Variants in KCNIP4 observed in about 807,000 individuals in gnomAD.
KCNIP4 encodes the protein Kv channel-interacting protein 4.
Under a neutral mutation model 34.0 loss-of-function variants are expected in KCNIP4, and 12 were observed. The observed-to-expected ratio is 0.35, with a 90% CI of 0.23 to 0.57. The LOEUF (loss-of-function observed/expected upper bound fraction) is 0.57, where lower values mean the gene tolerates loss of function less well. Ranked by LOEUF, KCNIP4 falls within the 20% of genes least tolerant of loss-of-function variation. The probability of loss-of-function intolerance (pLI) is 0.83; values close to 1 mark genes in which losing one functional copy is unlikely to be tolerated. For missense variants in KCNIP4, 238 were observed against 311.7 expected, an observed-to-expected ratio of 0.76 and a Z score of 1.78; for synonymous variants, 124 against 102.2, an observed-to-expected ratio of 1.21 and a Z score of -1.29.
rs747827109 is a variant in KCNIP4, at chr4:21,032,053, C to T, written c.62-149344G>A. Among the ~76,000 whole-genome samples, 11 of 152,224 alleles carry T rather than the reference C, an allele frequency of 7.2e-5. 1 individual carries two copies. Among genetic ancestry groups the T allele is most frequent in the Non-Finnish European group, 8.8e-5 (6 of 68,018 alleles). On this transcript the variant is annotated intron_variant, in intron 1 of 8. Transcript: ENST00000382152. ...CAATGTTGCACACAGAGAACAGCCT[C>T]GAAGGGCCTCACACCAAGACATGGC... is the stretch of plus-strand genomic sequence containing the variant.
chr4:21,593,511 G>A (rs1257800844), intron 1 of KCNIP4, among the ~76,000 whole-genome samples: 1 of 151,908 alleles, frequency 6.6e-6, no homozygotes, highest in Non-Finnish European at 1.5e-5. Flanking sequence ...TGTGGTCCCC[G>A]GACCTGGCAC....
At chr4:21,261,683 C>T (rs1219522631) in intron 1 of KCNIP4, among the ~76,000 whole-genome samples, 1 of 152,136 alleles carries the variant, frequency 6.6e-6, no homozygotes, top group Non-Finnish European at 1.5e-5. Context: ...TTCTTTCATT[C>T]TCTCCCTCAT....
chr4:21,106,007 A>T (rs1223920017), intron 1 of KCNIP4, among the ~76,000 whole-genome samples: 4 of 151,508 alleles, frequency 2.6e-5, no homozygotes, highest in African/African-American at 9.8e-5. Context: ...CCAGTATTTT[A>T]CTGAGGATTT....
intron 3 of KCNIP4, among the ~76,000 whole-genome samples, chr4:20,781,450 A>G (rs748906109): frequency 6.6e-6 from 1 of 152,170 alleles, no homozygotes; most frequent in Non-Finnish European, 1.5e-5. Context: ...ATAAAGACAT[A>G]CCCAAGACTG....
intron 1 of KCNIP4, among the ~76,000 whole-genome samples, chr4:21,338,227 T>C (rs1273817540): frequency 7.7e-6 from 1 of 129,764 alleles, no homozygotes; most frequent in Non-Finnish European, 1.5e-5. Flanking sequence ...ATCGCACCAC[T>C]GCACTCCAGC....
At chr4:20,736,396 A>G (rs1034652833) in intron 5 of KCNIP4, among the ~76,000 whole-genome samples, 1 of 151,970 alleles carries the variant, frequency 6.6e-6, no homozygotes, top group Non-Finnish European at 1.5e-5. Flanking sequence ...TAAATGAGAT[A>G]TTTTTTTCTA....
At chr4:21,229,850 G>A (rs920501550) in intron 1 of KCNIP4, among the ~76,000 whole-genome samples, 5 of 152,044 alleles carry the variant, frequency 3.3e-5, no homozygotes, top group African/African-American at 4.8e-5. Context: ...AGTCTTCTTC[G>A]CATACTTACA....
At chr4:20,742,368 C>G (rs1352244881) in intron 5 of KCNIP4, among the ~76,000 whole-genome samples, 1 of 152,112 alleles carries the variant, frequency 6.6e-6, no homozygotes, top group Non-Finnish European at 1.5e-5. Flanking sequence ...GCTTATCCAC[C>G]ACTATCATTT....
intron 1 of KCNIP4, among the ~76,000 whole-genome samples, chr4:20,888,192 G>T (rs1725525321): frequency 6.6e-6 from 1 of 152,090 alleles, no homozygotes; most frequent in East Asian, 1.9e-4. Flanking sequence ...GGGACAAAAA[G>T]TAGAAGGGAT....
rs570500429 is a variant in KCNIP4 at position 20,926,323 on chromosome 4, G to T, written c.62-43614C>A. ...AAGGAAAGTTTGACAGGTGAGAGGT[G>T]CAGGAATAGAATGCAACTTTTTATC... On this transcript the variant is annotated intron_variant, in intron 1 of 8. Transcript: ENST00000382152. Among the ~76,000 whole-genome samples the T allele has an allele frequency of 5.3e-5, 8 of 152,300 alleles. No individual in the cohort carries two copies. In the South Asian group the frequency reaches 1.7e-3, roughly 32 times the overall value.
At chr4:20,955,448 C>G (rs1291887527) in intron 1 of KCNIP4, among the ~76,000 whole-genome samples, 1 of 152,156 alleles carries the variant, frequency 6.6e-6, no homozygotes, top group Admixed American at 6.5e-5. Flanking sequence ...CTGCAACTAA[C>G]AGTCTGCCCT....
chr4:21,933,795 G>T lies in KCNIP4; in HGVS notation c.61+14776C>A, dbSNP rs1030574416. Among the ~76,000 whole-genome samples the T allele has an allele frequency of 4.6e-5, 7 of 152,168 alleles. No homozygotes were observed. In the South Asian group the frequency reaches 6.2e-4, roughly 14 times the overall value. Reference sequence around the variant, plus strand: ...TAATAGGATGATGGCAGAAATATGAGACTTACCTAATAGTTAAAATAATAT... The same window carrying T: ...TAATAGGATGATGGCAGAAATATGATACTTACCTAATAGTTAAAATAATAT... On this transcript the variant is annotated intron_variant, in intron 1 of 8. Coordinates refer to ENST00000382152, the MANE Select transcript of KCNIP4 (RefSeq NM_025221.6).
intron 1 of KCNIP4, among the ~76,000 whole-genome samples, chr4:21,791,841 A>C (rs1720301500): frequency 6.6e-6 from 1 of 151,902 alleles, no homozygotes; most frequent in African/African-American, 2.4e-5. Flanking sequence ...TTCTCTACTA[A>C]AAATACAAAA....
In KCNIP4 at chr4:21,106,571, GA is replaced by G. The variant is rs1242786008; in HGVS notation, c.62-223863del. On this transcript the variant is annotated intron_variant, in intron 1 of 8. Transcript: ENST00000382152. ...CAGCTCCTGGATTCATTAATTTTTTGAAGGGTTTTTTGTGTCTCTATTTCCT... is the reference window on the plus strand; with the variant it reads ...CAGCTCCTGGATTCATTAATTTTTTGAGGGTTTTTTGTGTCTCTATTTCCT... Among the ~76,000 whole-genome samples, 12 of 135,544 alleles carry G rather than the reference GA, an allele frequency of 8.9e-5. 1 individual carries two copies. The highest frequency in any genetic ancestry group is 4.0e-4 in the East Asian group (2 of 4,964). 88.9% of individuals were successfully genotyped at this position (135,544 alleles called of 152,430 possible).
chr4:21,050,160 G>A (rs1322450266), intron 1 of KCNIP4, among the ~76,000 whole-genome samples: 1 of 152,152 alleles, frequency 6.6e-6, no homozygotes, highest in African/African-American at 2.4e-5. Context: ...GCAATGTCAT[G>A]CAAAACTGGA....
chr4:20,962,363 T>C (rs1319128102), intron 1 of KCNIP4, among the ~76,000 whole-genome samples: 2 of 152,228 alleles, frequency 1.3e-5, no homozygotes, highest in Non-Finnish European at 2.9e-5. Context: ...CTGCAGGTTC[T>C]TGTGCTTCTT....
intron 1 of KCNIP4, among the ~76,000 whole-genome samples, chr4:21,012,273 G>A (rs552468176): frequency 3.3e-5 from 5 of 152,124 alleles, no homozygotes; most frequent in Non-Finnish European, 7.4e-5. Flanking sequence ...TATAGTTTAG[G>A]GTTCAAGGTA....
intron 1 of KCNIP4, among the ~76,000 whole-genome samples, chr4:21,871,009 ATG>A (rs1429141509): frequency 6.6e-6 from 1 of 152,104 alleles, no homozygotes; most frequent in Non-Finnish European, 1.5e-5. Context: ...ACAGAAAAAC[ATG>A]TGGTTGACAA....
chr4:21,496,057 T>A (rs554758729), intron 1 of KCNIP4, among the ~76,000 whole-genome samples: 1 of 152,336 alleles, frequency 6.6e-6, no homozygotes, highest in East Asian at 1.9e-4. Flanking sequence ...GATAAATGAA[T>A]GTTTTAGAAA....
Sources: gnomAD v4.1 joint callset for allele counts (sites outside exome capture counted in the v4.1 genomes callset) on GRCh38, gnomAD v4.1.1 for gene constraint, MANE v1.5 for transcripts, NCBI Gene and HGNC (gene_info 2026-07-23, HGNC 2026-07-21) for gene names.